Variants in CSNK1G2 observed in about 807,000 individuals in gnomAD.
The protein encoded by CSNK1G2 is casein kinase 1 gamma 2, also known as casein kinase I isoform gamma-2.
Under a neutral mutation model 48.0 loss-of-function variants are expected in CSNK1G2, and 11 were observed. The ratio of observed to expected loss-of-function variants is 0.23; its 90% confidence interval spans 0.14 to 0.38. CSNK1G2 has a LOEUF of 0.38. CSNK1G2 is among the 10% of genes least tolerant of loss of function. The pLI is 1.00. For synonymous variants in CSNK1G2, 337 were observed against 254.1 expected, an observed-to-expected ratio of 1.33 and a Z score of -3.10; for missense variants, 446 against 595.5, an observed-to-expected ratio of 0.75 and a Z score of 2.61.
At chr19:1,962,634 G>T (rs943020794) in intron 1 of CSNK1G2, among the ~76,000 whole-genome samples, 1 of 152,192 alleles carries the variant, frequency 6.6e-6, no homozygotes, top group African/African-American at 2.4e-5. Flanking sequence ...TTGTGCTCCA[G>T]CCTGGGCGAC....
At chr19:1,945,533 C>G (rs895133740) in intron 1 of CSNK1G2, among the ~76,000 whole-genome samples, 1 of 152,190 alleles carries the variant, frequency 6.6e-6, no homozygotes, top group Admixed American at 6.5e-5. Context: ...TGAAAACAGC[C>G]AGCTCTGGCC....
chr19:1,945,180 G>GC (rs1462084062), intron 1 of CSNK1G2, among the ~76,000 whole-genome samples: 1 of 152,198 alleles, frequency 6.6e-6, no homozygotes, highest in Non-Finnish European at 1.5e-5. Flanking sequence ...CAGCCTGTGC[G>GC]CCCGCAAGGT....
chr19:1,961,676 A>G (rs762120573), intron 1 of CSNK1G2, among the ~76,000 whole-genome samples: 2 of 152,230 alleles, frequency 1.3e-5, no homozygotes, highest in South Asian at 4.1e-4. Context: ...GTGGGGGACT[A>G]CGTCTCACAG....
intron 1 of CSNK1G2, among the ~76,000 whole-genome samples, chr19:1,961,881 A>G (rs1382642012): frequency 6.6e-6 from 1 of 152,196 alleles, no homozygotes; most frequent in South Asian, 2.1e-4. Flanking sequence ...ACCGACTGCC[A>G]TCCCTTCTTC....
At chr19:1,974,060 G>T (rs906273171) in intron 2 of CSNK1G2, among the ~76,000 whole-genome samples, 5 of 151,906 alleles carry the variant, frequency 3.3e-5, no homozygotes, top group Non-Finnish European at 5.9e-5. Context: ...GCTAATTTTT[G>T]TATTTTCAGT....
chr19:1,960,093 GA>G lies in CSNK1G2; in HGVS notation c.-265-9414del, dbSNP rs778871155. Among the ~76,000 whole-genome samples, 390 of 152,330 alleles carry G rather than the reference GA, an allele frequency of 2.6e-3. 2 individuals are homozygous for G. The highest frequency in any genetic ancestry group is 6.8e-3 in the Middle Eastern group (2 of 294). ...CGTCCAGGGCCCCATGTAGGGTCCG[GA>G]GCTTCCCTGCCCTCCCTGGTGCCAG... On this transcript the variant is annotated intron_variant, in intron 1 of 11. Coordinates refer to ENST00000255641, the MANE Select transcript of CSNK1G2 (RefSeq NM_001319.7).
chr19:1,968,531 AC>A (rs1208138739), intron 1 of CSNK1G2, among the ~76,000 whole-genome samples: 1 of 152,174 alleles, frequency 6.6e-6, no homozygotes, highest in African/African-American at 2.4e-5. Flanking sequence ...CTGTCCAGAC[AC>A]GGCGTTTCTC....
rs1240668274 is a variant in CSNK1G2, at chr19:1,957,627, C to T, written c.-265-11881C>T. Among the ~76,000 whole-genome samples, 1 of 152,204 alleles carries T rather than the reference C, an allele frequency of 6.6e-6. No homozygotes were observed. Among genetic ancestry groups the T allele is most frequent in the African/African-American group, 2.4e-5 (1 of 41,458 alleles). Reference sequence around the variant, plus strand: ...CCCGGGGCGCGCTCCACAGGCTAGGCCACTTTCACAGCTCACCACACAGGC... The same window carrying T: ...CCCGGGGCGCGCTCCACAGGCTAGGTCACTTTCACAGCTCACCACACAGGC... On this transcript the variant is annotated intron_variant, in intron 1 of 11. Transcript: ENST00000255641. This position sits in a 1 kb window ranked among gnomAD's most constrained non-coding sequence, Gnocchi z 5.4.
intron 2 of CSNK1G2, among the ~76,000 whole-genome samples, chr19:1,977,034 C>T (rs761341943): frequency 7.9e-5 from 12 of 152,276 alleles, no homozygotes; most frequent in Middle Eastern, 3.4e-3. Context: ...CCACCGTGCC[C>T]GGCCACAGAG....
intron 1 of CSNK1G2, among the ~76,000 whole-genome samples, chr19:1,945,376 C>T (rs2014517433): frequency 6.6e-6 from 1 of 152,204 alleles, no homozygotes; most frequent in Non-Finnish European, 1.5e-5. Context: ...GCTCAGAGCC[C>T]CCAACGTGTC....
At chr19:1,974,537 T>G (rs73916831) in intron 2 of CSNK1G2, among the ~76,000 whole-genome samples, 10,360 of 152,164 alleles carry the variant, frequency 0.068, 1,159 homozygotes, top group African/African-American at 0.24. Flanking sequence ...CTGTGCTGCT[T>G]CTTCCTCCCT....
chr19:1,974,205 T>A (rs923832091), intron 2 of CSNK1G2, among the ~76,000 whole-genome samples: 2 of 152,140 alleles, frequency 1.3e-5, no homozygotes, highest in Non-Finnish European at 2.9e-5. Context: ...TCATTTATAA[T>A]GAACAGAAAT....
Position 1,941,261 on chromosome 19 carries a change from C to A in CSNK1G2, c.-423C>A, listed in dbSNP as rs1266732902. The A allele has an allele frequency of 7.0e-6, 1 of 142,922 alleles. No homozygotes were observed. The highest frequency in any genetic ancestry group is 1.5e-5 in the Non-Finnish European group (1 of 64,952). The allele number at this position is 142,922 out of a possible 1,614,324, so 8.9% of individuals were successfully genotyped here. A position where few individuals can be genotyped will look rare whatever the true frequency, so the allele number is the denominator to read the frequency against. ...GCCTCCCGTCCCGAACATGCGGAGG[C>A]CGGCCCAGGCGGCGCGGGAGCCGGA... On this transcript the variant is annotated 5_prime_UTR_variant, in exon 1 of 12. Transcript: ENST00000255641.
intron 1 of CSNK1G2, among the ~76,000 whole-genome samples, chr19:1,943,837 C>T (rs2014455527): frequency 6.6e-6 from 1 of 152,332 alleles, no homozygotes; most frequent in Admixed American, 6.5e-5. Flanking sequence ...CTGCCCCAGG[C>T]CCCCAGGGGC....
At chr19:1,968,144 C>G (rs1487356792) in intron 1 of CSNK1G2, among the ~76,000 whole-genome samples, 1 of 63,644 alleles carries the variant, frequency 1.6e-5, no homozygotes, top group Non-Finnish European at 2.7e-5. Context: ...TGGGGCTCCT[C>G]CCCAGGCTGT....
intron 2 of CSNK1G2, among the ~76,000 whole-genome samples, chr19:1,973,733 G>A (rs4807185): frequency 0.023 from 3,500 of 152,206 alleles, 70 homozygotes; most frequent in Admixed American, 0.064. Context: ...TTTCGGTTTC[G>A]TCTGATTGTC....
At chr19:1,972,754 C>G (rs544397989) in intron 2 of CSNK1G2, among the ~76,000 whole-genome samples, 1 of 152,068 alleles carries the variant, frequency 6.6e-6, no homozygotes, top group African/African-American at 2.4e-5. Flanking sequence ...TCCCGAGTAG[C>G]TGGGATTACA....
In CSNK1G2 at chr19:1,969,920, A is replaced by G; in HGVS notation, c.148A>G (p.Lys50Glu). The change falls in exon 2 of 12, where the codon AAG becomes GAG. Residue 50 changes from lysine to glutamate, a missense_variant. By Grantham distance (56) the Lys-to-Glu change is moderately conservative (BLOSUM62 1). Around this residue, in one of 2 missense-constraint regions of CSNK1G2, gnomAD observed 258 missense variants for 415.9 expected, o/e 0.62. Transcript: ENST00000255641. ...GGTGGGCCCCAACTTCCGCGTCGGC[A>G]AGAAGATCGGCTGCGGCAACTTCGG... is the stretch of plus-strand genomic sequence containing the variant. Reference protein sequence around the residue: ...LMVGPNFRVGKKIGCGNFGEL... With the variant: ...LMVGPNFRVGEKIGCGNFGEL... 1.5e-6 allele frequency: 2 copies of G among 1,311,862 alleles called. No homozygotes were observed. Among genetic ancestry groups the G allele is most frequent in the East Asian group, 2.8e-5 (1 of 35,718 alleles). 81.3% of individuals were successfully genotyped at this position (1,311,862 alleles called of 1,614,324 possible). A position where few individuals can be genotyped will look rare whatever the true frequency, so the allele number is the denominator to read the frequency against.
chr19:1,947,753 G>A (rs1396934956), intron 1 of CSNK1G2, among the ~76,000 whole-genome samples: 1 of 152,234 alleles, frequency 6.6e-6, no homozygotes, highest in Non-Finnish European at 1.5e-5. Context: ...GTTTGCGCTG[G>A]CGTCTGCACA....
Sources: gnomAD v4.1 joint callset for allele counts (sites outside exome capture counted in the v4.1 genomes callset) on GRCh38, gnomAD v4.1.1 for gene constraint, gnomAD v4.1.1 regional missense constraint, Gnocchi (gnomAD v3.1) non-coding constraint, MANE v1.5 for transcripts, NCBI Gene and HGNC (gene_info 2026-07-23, HGNC 2026-07-21) for gene names.